The following SLAIN1 variants were observed in gnomAD, a reference collection of about 807,000 sequenced individuals.
SLAIN1 encodes the protein SLAIN family member 1.
SLAIN1 carries 17 observed loss-of-function variants against 55.4 expected under a neutral mutation model. The observed-to-expected ratio is 0.31, with a 90% CI of 0.21 to 0.46. SLAIN1 has a LOEUF of 0.46. Among genes scored for constraint, SLAIN1 ranks in the 20% least tolerant of loss-of-function variants. The pLI is 1.00. For missense variants in SLAIN1, 682 were observed against 785.1 expected (o/e 0.87, Z 1.57); for synonymous variants, 348 against 337.4 (o/e 1.03, Z -0.35).
chr13:77,712,242 G>T (rs1257193736), intron 1 of SLAIN1, among the ~76,000 whole-genome samples: 1 of 152,068 alleles, frequency 6.6e-6, no homozygotes, highest in Non-Finnish European at 1.5e-5. Flanking sequence ...GAGAAAGAAA[G>T]AAATGGTATT....
intron 1 of SLAIN1, among the ~76,000 whole-genome samples, chr13:77,714,778 G>A (rs1440628715): frequency 6.6e-6 from 1 of 152,164 alleles, no homozygotes; most frequent in Admixed American, 6.6e-5. Flanking sequence ...CACAGTTAAT[G>A]TGTAGTGAAC....
Position 77,706,071 on chromosome 13 carries a change from C to A in SLAIN1, c.626+7532C>A, listed in dbSNP as rs181683893. Among the ~76,000 whole-genome samples the A allele has an allele frequency of 7.0e-4, 106 of 152,208 alleles. 2 individuals carry two copies. The highest frequency in any genetic ancestry group is 2.5e-3 in the African/African-American group (104 of 41,562). On this transcript the variant is annotated intron_variant, in intron 1 of 6. Transcript: ENST00000418532. ...GCTTATTACAGGAAGCAGTCCTCTACTCCCTCCTCCTGCTGAGTCCTTCAC... is the reference window on the plus strand; with the variant it reads ...GCTTATTACAGGAAGCAGTCCTCTAATCCCTCCTCCTGCTGAGTCCTTCAC...
rs1304282816 is a variant in SLAIN1, at chr13:77,746,731, C to T, written c.1134C>T (p.Ser378=). The T allele has an allele frequency of 1.2e-6, 2 of 1,613,826 alleles. No individual in the cohort carries two copies. Among genetic ancestry groups the T allele is most frequent in the Admixed American group, 1.7e-5 (1 of 59,934 alleles). The change falls in exon 4 of 7, where the codon TCC becomes TCT. Residue 378 remains serine (S), a synonymous_variant. Transcript: ENST00000418532. ...QRGIPHSQTF[S]SIRECRRSPS... ...GAATTCCCCATTCACAGACTTTCTCCAGCATTCGGGAGTGTAGGAGGAGCC... is the reference window on the plus strand; with the variant it reads ...GAATTCCCCATTCACAGACTTTCTCTAGCATTCGGGAGTGTAGGAGGAGCC...
intron 4 of SLAIN1, among the ~76,000 whole-genome samples, chr13:77,751,969 G>C (rs971340783): frequency 6.6e-6 from 1 of 151,946 alleles, no homozygotes; most frequent in Non-Finnish European, 1.5e-5. Context: ...TAGAGTTGTG[G>C]TCTTGTGGCT....
intron 2 of SLAIN1, among the ~76,000 whole-genome samples, chr13:77,728,414 G>A (rs1368651763): frequency 6.6e-6 from 1 of 152,160 alleles, no homozygotes; most frequent in African/African-American, 2.4e-5. Context: ...TAAGGTACTT[G>A]AATGTCTATA....
At chr13:77,725,802 C>A (rs2091302288) in intron 2 of SLAIN1, among the ~76,000 whole-genome samples, 1 of 152,074 alleles carries the variant, frequency 6.6e-6, no homozygotes, top group Admixed American at 6.6e-5. Context: ...GGTAAGTTAG[C>A]CGTCCCTCCT....
At position 77,732,763 on chromosome 13, in the gene SLAIN1, A is replaced by G. The variant is rs78111361; in HGVS notation, c.767-11520A>G. On this transcript the variant is annotated intron_variant, in intron 2 of 6. Transcript: ENST00000418532. ...AGCAGTCACTCTGGTCCTGGATAAT[A>G]CTGGATTTGATCTGGTGTGCTTAAA... 3.5e-3 allele frequency among the ~76,000 whole-genome samples: 530 copies of G among 152,124 alleles called. 3 individuals are homozygous for G. The highest frequency in any genetic ancestry group is 0.012 in the African/African-American group (503 of 41,512).
rs934265928 is a variant in SLAIN1, at chr13:77,748,398, C to CTT, written c.1258+1568_1258+1569dup. ...GGCACCTAGAGTTATTTCTCTAAAG[C>CTT]TTTTTTTTTTTTTTTTTTTTTTTTT... On this transcript the variant is annotated intron_variant, in intron 4 of 6. Coordinates refer to ENST00000418532, the MANE Select transcript of SLAIN1 (RefSeq NM_001242868.2). 1.4e-3 allele frequency among the ~76,000 whole-genome samples: 109 copies of CTT among 79,544 alleles called. 3 individuals carry two copies. The highest frequency in any genetic ancestry group is 2.7e-3 in the African/African-American group (52 of 19,362). The allele number at this position is 79,544 out of a possible 152,430, so 52.2% of individuals were successfully genotyped here.
intron 1 of SLAIN1, among the ~76,000 whole-genome samples, chr13:77,713,106 C>A (rs2091169582): frequency 6.6e-6 from 1 of 151,926 alleles, no homozygotes; most frequent in African/African-American, 2.4e-5. Flanking sequence ...CCGTAAAAAC[C>A]CTAGAAGAAA....
intron 1 of SLAIN1, among the ~76,000 whole-genome samples, chr13:77,701,033 T>G (rs2091025684): frequency 6.6e-6 from 1 of 152,180 alleles, no homozygotes; most frequent in African/African-American, 2.4e-5. Context: ...ACACTTGCCT[T>G]TCATTGAACA....
chr13:77,746,493 G>A, intron 3 of SLAIN1, 21 bp from the exon 4 acceptor site: 1 of 1,568,400 alleles, frequency 6.4e-7, no homozygotes, highest in Admixed American at 1.8e-5. Context: ...ATACATTAGA[G>A]TACTATTTGT....
chr13:77,704,356 C>A (rs1189800501), intron 1 of SLAIN1, among the ~76,000 whole-genome samples: 1 of 106,952 alleles, frequency 9.3e-6, no homozygotes, highest in African/African-American at 3.6e-5. Flanking sequence ...TACATAGAAA[C>A]TGTATATACA....
Position 77,746,489 on chromosome 13 carries a change from TA to T in SLAIN1, c.917-24del, listed in dbSNP as rs759448473. 5 of 1,551,974 alleles carry T rather than the reference TA, an allele frequency of 3.2e-6. No individual in the cohort carries two copies. In the African/African-American group the frequency reaches 6.8e-5, roughly 21 times the overall value. ...AAATGTTAGCTAGATCAAAATACAT[TA>T]GAGTACTATTTGTTATTTTATAGGT... On this transcript the variant is annotated intron_variant, in intron 3 of 6. Coordinates refer to ENST00000418532, the MANE Select transcript of SLAIN1 (RefSeq NM_001242868.2).
chr13:77,762,355 A>G (rs1167115281), intron 6 of SLAIN1, among the ~76,000 whole-genome samples: 1 of 152,232 alleles, frequency 6.6e-6, no homozygotes, highest in Non-Finnish European at 1.5e-5. Flanking sequence ...CTATTTCCCC[A>G]AACTTAAGCA....
At chr13:77,760,773 C>T (rs1257320881) in intron 5 of SLAIN1, 55 bp from the exon 6 acceptor site, 6 of 1,575,346 alleles carry the variant, frequency 3.8e-6, no homozygotes, top group Non-Finnish European at 5.2e-6. Flanking sequence ...ACACACATTT[C>T]CTAAGTCGGA....
intron 1 of SLAIN1, among the ~76,000 whole-genome samples, chr13:77,718,558 G>A (rs552317349): frequency 1.1e-4 from 16 of 152,216 alleles, no homozygotes; most frequent in Non-Finnish European, 1.6e-4. Context: ...ATAGGTGAAC[G>A]TTTTGTCTAG....
intron 1 of SLAIN1, among the ~76,000 whole-genome samples, chr13:77,701,372 G>T (rs890637939): frequency 6.6e-6 from 1 of 151,856 alleles, no homozygotes; most frequent in Non-Finnish European, 1.5e-5. Flanking sequence ...TAACAACTTG[G>T]ACAATATTTG....
intron 2 of SLAIN1, chr13:77,743,412 T>C (rs1430138386): frequency 5.7e-6 from 1 of 174,636 alleles, no homozygotes; most frequent in Non-Finnish European, 1.2e-5. Flanking sequence ...TGCAGTTCTG[T>C]ATTTCCAAAT....
chr13:77,700,883 G>A (rs557756091), intron 1 of SLAIN1, among the ~76,000 whole-genome samples: 1 of 152,006 alleles, frequency 6.6e-6, no homozygotes, highest in Non-Finnish European at 1.5e-5. Context: ...TAGGTATAAG[G>A]TCACAAAAAT....
Sources: gnomAD v4.1 joint callset for allele counts (sites outside exome capture counted in the v4.1 genomes callset) on GRCh38, gnomAD v4.1.1 for gene constraint, MANE v1.5 for transcripts, NCBI Gene and HGNC (gene_info 2026-07-23, HGNC 2026-07-21) for gene names.